Variants in PDK2 observed in about 807,000 individuals in gnomAD.
PDK2 encodes the protein pyruvate dehydrogenase kinase, isozyme 2.
PDK2 carries 34 observed loss-of-function variants against 50.4 expected under a neutral mutation model. The observed-to-expected ratio is 0.68, with a 90% confidence interval of 0.51 to 0.90. The LOEUF (loss-of-function observed/expected upper bound fraction) is 0.90. Among genes scored for constraint, PDK2 ranks in the 40% least tolerant of loss-of-function variants. The pLI, the probability that PDK2 is intolerant of heterozygous loss-of-function variation, is 0.00. For synonymous variants in PDK2, 232 were observed against 216.0 expected (o/e 1.07, Z -0.65); for missense variants, 377 against 544.5 (o/e 0.69, Z 3.06).
At chr17:50,108,968 T>C (rs1329863775) in intron 9 of PDK2, among the ~76,000 whole-genome samples, 1 of 152,072 alleles carries the variant, frequency 6.6e-6, no homozygotes, top group African/African-American at 2.4e-5. Flanking sequence ...TCTACCTTTC[T>C]CCTGGTGTTG....
At chr17:50,100,166 G>A (rs1052041573) in intron 2 of PDK2, among the ~76,000 whole-genome samples, 20 of 152,238 alleles carry the variant, frequency 1.3e-4, no homozygotes, top group African/African-American at 4.8e-4. Flanking sequence ...GCCCTCGGCA[G>A]ATGCAGTTAT....
rs749531781 is a variant in PDK2, at chr17:50,095,412, A to T, written c.-24A>T. 1.9e-6 allele frequency: 3 copies of T among 1,564,220 alleles called. No homozygotes were observed. The South Asian group carries it at 3.4e-5, about 18-fold the overall frequency. The stretch of plus-strand genomic sequence containing the variant: ...GAGCGCTGCCCGCGCGGGGACCACA[A>T]CCAAAGTCGCGGCCGCCGCAGCCAT... On this transcript the variant is annotated 5_prime_UTR_variant, in exon 1 of 11. Coordinates refer to ENST00000503176, the MANE Select transcript of PDK2 (RefSeq NM_002611.5).
chr17:50,095,694 T>C (rs1598205785), intron 1 of PDK2, 141 bp downstream of exon 1: 1 of 1,441,456 alleles, frequency 6.9e-7, no homozygotes, highest in South Asian at 1.5e-5. Flanking sequence ...CAGGAAAGAG[T>C]TAATGGGGAA....
In PDK2 at chr17:50,106,568, G is replaced by A. The variant is rs572870177; in HGVS notation, c.518-226G>A. 30 of 583,096 alleles carry A rather than the reference G, an allele frequency of 5.1e-5. No homozygotes were observed. The South Asian group carries it at 6.1e-4, about 12-fold the overall frequency. The allele number at this position is 583,096 out of a possible 1,614,324, so 36.1% of individuals were successfully genotyped here. ...TGATGTGGGGAGAGACCTCTGAAAA[G>A]ACGTCTGTTTCAGGTTTGCAAAGGT... On this transcript the variant is annotated intron_variant, in intron 4 of 10. Coordinates refer to ENST00000503176, the MANE Select transcript of PDK2 (RefSeq NM_002611.5).
Position 50,110,055 on chromosome 17 carries a change from C to G in PDK2, c.1182C>G (p.Pro394=), listed in dbSNP as rs187772762. ...AGGAGGCCGGCGACTGGTGTGTGCC[C>G]AGCACGGAGCCCAAGAACACGTCCA... The part of the protein sequence containing the change: ...TIQEAGDWCV[P]STEPKNTSTY... The change falls in exon 11 of 11, where the codon CCC becomes CCG. Residue 394 remains proline (P), a synonymous_variant. Transcript: ENST00000503176. The G allele has an allele frequency of 6.2e-7, 1 of 1,611,106 alleles. No homozygotes were observed. The highest frequency in any genetic ancestry group is 1.1e-5 in the South Asian group (1 of 90,416).
rs569281096 is a variant in PDK2 at position 50,111,506 on chromosome 17, C to T, written c.*1409C>T. The T allele has an allele frequency of 6.6e-6, 1 of 152,400 alleles. No individual in the cohort carries two copies. Among genetic ancestry groups the T allele is most frequent in the East Asian group, 1.9e-4 (1 of 5,180 alleles). The allele number at this position is 152,400 out of a possible 1,614,324, so 9.4% of individuals were successfully genotyped here. A position where few individuals can be genotyped will look rare whatever the true frequency, so the allele number is the denominator to read the frequency against. On this transcript the variant is annotated 3_prime_UTR_variant, in exon 11 of 11. Coordinates refer to ENST00000503176, the MANE Select transcript of PDK2 (RefSeq NM_002611.5). Reference sequence around the variant, plus strand: ...TTTCCCTCCGAAGCCCCTCTCCCAGCACAGATAGCAGAGGGGGGATAAGGG... The same window carrying T: ...TTTCCCTCCGAAGCCCCTCTCCCAGTACAGATAGCAGAGGGGGGATAAGGG...
chr17:50,103,622 A>C (rs1312661289), intron 2 of PDK2, among the ~76,000 whole-genome samples: 1 of 152,200 alleles, frequency 6.6e-6, no homozygotes, highest in African/African-American at 2.4e-5. Context: ...CCAGAGCCAC[A>C]CAGCTCCAAG....
In PDK2 at chr17:50,101,704, C is replaced by T. The variant is rs1218186409; in HGVS notation, c.261-3667C>T. ...CCTCCTCCCACTCACTCACCCTCTC[C>T]TCCCGCCCCCACCGCCCATTATCAG... is the stretch of plus-strand genomic sequence containing the variant. On this transcript the variant is annotated intron_variant, in intron 2 of 10. Coordinates refer to ENST00000503176, the MANE Select transcript of PDK2 (RefSeq NM_002611.5). This position sits in a 1 kb window ranked among gnomAD's most constrained non-coding sequence, Gnocchi z 4.2. 2 of 152,462 alleles carry T rather than the reference C, an allele frequency of 1.3e-5. No individual in the cohort carries two copies. Among genetic ancestry groups the T allele is most frequent in the African/African-American group, 4.8e-5 (2 of 41,438 alleles). 9.4% of individuals were successfully genotyped at this position (152,462 alleles called of 1,614,324 possible). A position where few individuals can be genotyped will look rare whatever the true frequency, so the allele number is the denominator to read the frequency against.
At chr17:50,102,191 C>A (rs548810478) in intron 2 of PDK2, among the ~76,000 whole-genome samples, 28 of 152,308 alleles carry the variant, frequency 1.8e-4, no homozygotes, top group Admixed American at 1.7e-3. Flanking sequence ...CCAGGGACCT[C>A]GGGGAAAATC....
chr17:50,107,991 C>T, intron 6 of PDK2, 165 bp from the exon 7 acceptor site: 1 of 645,286 alleles, frequency 1.5e-6, no homozygotes. Context: ...GCATCACTTC[C>T]ATGAGTCACC....
In PDK2 at chr17:50,101,940, A is replaced by C. The variant is rs1254348068; in HGVS notation, c.261-3431A>C. On this transcript the variant is annotated intron_variant, in intron 2 of 10. Transcript: ENST00000503176. The surrounding 1 kb of genome is among the most constrained non-coding windows in gnomAD (Gnocchi z 4.2). ...AGAGGTCAGCAGGCCCAGAGACCCC[A>C]GCCTCCCTGCAGGTCCTGGGGAGGG... 3 of 152,224 alleles carry C rather than the reference A, an allele frequency of 2.0e-5. No homozygotes were observed. In the East Asian group the frequency reaches 5.8e-4, roughly 29 times the overall value. 9.4% of individuals were successfully genotyped at this position (152,224 alleles called of 1,614,324 possible). A position where few individuals can be genotyped will look rare whatever the true frequency, so the allele number is the denominator to read the frequency against.
At chr17:50,099,236 ACCTGGTCCCTGAC>A (rs1317460904) in intron 2 of PDK2, among the ~76,000 whole-genome samples, 2 of 151,382 alleles carry the variant, frequency 1.3e-5, no homozygotes, top group East Asian at 3.9e-4. Flanking sequence ...CTGCCTCTCC[ACCTGGTCCCTGAC>A]TCCAGGGCAG....
Position 50,110,375 on chromosome 17 carries a change from A to T in PDK2, c.*278A>T, listed in dbSNP as rs996942171. On this transcript the variant is annotated 3_prime_UTR_variant, in exon 11 of 11. Coordinates refer to ENST00000503176, the MANE Select transcript of PDK2 (RefSeq NM_002611.5). Reference sequence around the variant, plus strand: ...TGGGGTGTCCCAGAGACATTTTCCCATGGCAGTCCTCCTCTCTGAGACCAG... The same window carrying T: ...TGGGGTGTCCCAGAGACATTTTCCCTTGGCAGTCCTCCTCTCTGAGACCAG... 1 of 298,810 alleles carries T rather than the reference A, an allele frequency of 3.3e-6. No individual in the cohort carries two copies. The highest frequency in any genetic ancestry group is 2.1e-5 in the African/African-American group (1 of 46,672). 18.5% of individuals were successfully genotyped at this position (298,810 alleles called of 1,614,324 possible).
chr17:50,096,233 C>CGT lies in PDK2; in HGVS notation c.118+682_118+683dup. ...CCAGCTGGGCAGGGGCCCCAGGCAC[C>CGT]GTGATGTGGAGTCAAGCCGCCTATA... On this transcript the variant is annotated intron_variant, in intron 1 of 10. Coordinates refer to ENST00000503176, the MANE Select transcript of PDK2 (RefSeq NM_002611.5). 6 of 985,410 alleles carry CGT rather than the reference C, an allele frequency of 6.1e-6. No individual in the cohort carries two copies. The South Asian group carries it at 2.8e-4, about 46-fold the overall frequency. 61.0% of individuals were successfully genotyped at this position (985,410 alleles called of 1,614,324 possible). A position where few individuals can be genotyped will look rare whatever the true frequency, so the allele number is the denominator to read the frequency against.
Position 50,106,938 on chromosome 17 carries a change from G to A in PDK2, c.607+55G>A, listed in dbSNP as rs371674418. On this transcript the variant is annotated intron_variant, in intron 5 of 10. Transcript: ENST00000503176. ...AGAGAAGCCCCGGGGACCCCTCCAA[G>A]CTTACCTGGCCAGAGGGTGACTCGT... is the stretch of plus-strand genomic sequence containing the variant. The A allele has an allele frequency of 1.3e-4, 194 of 1,535,548 alleles. No homozygotes were observed. The African/African-American group carries it at 2.2e-3, about 17-fold the overall frequency.
At chr17:50,095,980 G>A (rs1001185835) in intron 1 of PDK2, 5 of 514,134 alleles carry the variant, frequency 9.7e-6, no homozygotes, top group Non-Finnish European at 1.3e-5. Context: ...GTTTAGAGGT[G>A]CAGCCATCTG....
Position 50,105,870 on chromosome 17 carries a change from T to G in PDK2, c.333-15T>G. The G allele has an allele frequency of 6.2e-7, 1 of 1,611,594 alleles. No homozygotes were observed. The highest frequency in any genetic ancestry group is 8.5e-7 in the Non-Finnish European group (1 of 1,178,816). On this transcript the variant is annotated splice_polypyrimidine_tract_variant and intron_variant, in intron 3 of 10. Coordinates refer to ENST00000503176, the MANE Select transcript of PDK2 (RefSeq NM_002611.5). Reference sequence around the variant, plus strand: ...TCTGGGGGTGTCCCATGTGAACATCTGCCCTGCCCCACAGGTTCACTGACG... The same window carrying G: ...TCTGGGGGTGTCCCATGTGAACATCGGCCCTGCCCCACAGGTTCACTGACG...
intron 3 of PDK2, 85 bp from the exon 4 acceptor site, chr17:50,105,800 G>A (rs769574183): frequency 2.4e-5 from 37 of 1,510,336 alleles, no homozygotes; most frequent in Non-Finnish European, 3.3e-5. Context: ...GAAGGGTAGA[G>A]CGGGTGAAGA....
chr17:50,102,868 C>T (rs1235701783), intron 2 of PDK2, among the ~76,000 whole-genome samples: 5 of 152,212 alleles, frequency 3.3e-5, no homozygotes, highest in Non-Finnish European at 5.9e-5. Context: ...GCGGCATCAC[C>T]GTCAGGGCCC....
Sources: allele counts gnomAD v4.1 joint callset (sites outside exome capture counted in the v4.1 genomes callset), GRCh38; gene constraint gnomAD v4.1.1; non-coding constraint Gnocchi (gnomAD v3.1); transcripts MANE v1.5; gene names NCBI Gene and HGNC (gene_info 2026-07-23, HGNC 2026-07-21).